Variants in ZNF644 observed in about 807,000 individuals in gnomAD.
ZNF644 encodes zinc finger protein 644.
In ZNF644, 20 loss-of-function variants were observed where a neutral mutation model predicts 108.0. That is an observed-to-expected ratio of 0.19 (90% CI 0.13 to 0.27). The LOEUF (loss-of-function observed/expected upper bound fraction) is 0.27, where lower values mean the gene tolerates loss of function less well. Among genes scored for constraint, ZNF644 ranks in the 10% least tolerant of loss-of-function variants. The pLI is 1.00. For synonymous variants in ZNF644, 542 were observed against 539.1 expected (o/e 1.01, Z -0.08); for missense variants, 1,338 against 1,548.9 (o/e 0.86, Z 2.29).
At chr1:90,918,241 C>A in intron 4 of ZNF644, 87 bp from the exon 5 acceptor site, 2 of 1,080,072 alleles carry the variant, frequency 1.9e-6, no homozygotes, top group Non-Finnish European at 2.8e-6. Context: ...GTCAGACAGA[C>A]CATCTAAATC....
intron 4 of ZNF644, among the ~76,000 whole-genome samples, chr1:90,923,517 C>T (rs1649703690): frequency 6.6e-6 from 1 of 152,124 alleles, no homozygotes; most frequent in African/African-American, 2.4e-5. Context: ...GTTTCCCTTA[C>T]AGTCAGGCAT....
chr1:90,934,672 T>C (rs2100903294), intron 4 of ZNF644, among the ~76,000 whole-genome samples: 1 of 152,314 alleles, frequency 6.6e-6, no homozygotes, highest in East Asian at 1.9e-4. Flanking sequence ...CACAGAAATG[T>C]GCATGTTAAC....
In ZNF644 at chr1:90,935,877, A is replaced by G. The variant is rs1006977867; in HGVS notation, c.3688+1608T>C. Reference sequence around the variant, plus strand: ...TGATTTGAACAACACGGTTCTGTTGAGAAGTTTCAAAGCTTACAACATTAC... The same window carrying G: ...TGATTTGAACAACACGGTTCTGTTGGGAAGTTTCAAAGCTTACAACATTAC... On this transcript the variant is annotated intron_variant, in intron 4 of 5. Transcript: ENST00000337393. 1.1e-4 allele frequency among the ~76,000 whole-genome samples: 16 copies of G among 152,306 alleles called. No individual in the cohort carries two copies. In the East Asian group the frequency reaches 2.9e-3, roughly 28 times the overall value.
intron 2 of ZNF644, among the ~76,000 whole-genome samples, chr1:90,967,875 G>A (rs1466432595): frequency 5.2e-5 from 7 of 133,516 alleles, no homozygotes; most frequent in Admixed American, 8.2e-5. Context: ...GTGAAACCCC[G>A]TCTCTACTAA....
rs1056915798 is a variant in ZNF644 at position 90,948,170 on chromosome 1, A to C, written c.45-6861T>G. 8.5e-5 allele frequency among the ~76,000 whole-genome samples: 13 copies of C among 152,332 alleles called. No individual in the cohort carries two copies. In the East Asian group the frequency reaches 1.9e-3, roughly 23 times the overall value. On this transcript the variant is annotated intron_variant, in intron 2 of 5. Transcript: ENST00000337393. Reference sequence around the variant, plus strand: ...ATTATCAAGACATAAAGAAATAACAAAAGAATGGTTTTAGAGCATAGAATC... The same window carrying C: ...ATTATCAAGACATAAAGAAATAACACAAGAATGGTTTTAGAGCATAGAATC...
chr1:90,957,060 A>G (rs1195240009), intron 2 of ZNF644, among the ~76,000 whole-genome samples: 1 of 152,172 alleles, frequency 6.6e-6, no homozygotes, highest in Non-Finnish European at 1.5e-5. Flanking sequence ...GATGAAACAG[A>G]AAAATTCCTA....
intron 2 of ZNF644, among the ~76,000 whole-genome samples, chr1:90,954,029 CT>C (rs1653473912): frequency 6.6e-6 from 1 of 152,128 alleles, no homozygotes; most frequent in Admixed American, 6.5e-5. Flanking sequence ...AGATTTTTGC[CT>C]TAATATTGAC....
intron 2 of ZNF644, among the ~76,000 whole-genome samples, chr1:90,954,475 C>T (rs555188296): frequency 1.6e-4 from 24 of 151,980 alleles, no homozygotes; most frequent in African/African-American, 5.8e-4. Context: ...ATTGCCATCT[C>T]AGCTCACTGC....
intron 1 of ZNF644, among the ~76,000 whole-genome samples, chr1:90,987,246 G>GT (rs55996875): frequency 0.022 from 2,723 of 121,064 alleles, 103 homozygotes; most frequent in African/African-American, 0.075. Flanking sequence ...CCTAGAGTTG[G>GT]TTTTTTTTTT....
chr1:90,983,557 C>T (rs549901720), intron 1 of ZNF644, among the ~76,000 whole-genome samples: 11 of 151,516 alleles, frequency 7.3e-5, no homozygotes, highest in African/African-American at 1.7e-4. Flanking sequence ...AGGATTATTC[C>T]GAATTATCTG....
At position 90,916,885 on chromosome 1, in the gene ZNF644, G is replaced by A; in HGVS notation, c.3897C>T (p.Gly1299=). The A allele has an allele frequency of 4.3e-6, 7 of 1,614,154 alleles. No homozygotes were observed. The highest frequency in any genetic ancestry group is 5.9e-6 in the Non-Finnish European group (7 of 1,180,024). ...TAAGTAGTGACGTGACTTCCACCAT[G>A]CCAGCTCCAGTCCGTGGAAGATTAG... ...VNANLPRTGA[G]MVEVTSLLKK... Residue 1299 remains glycine, a synonymous_variant, in exon 6 of 6, where the codon GGC becomes GGT. Coordinates refer to ENST00000337393, the MANE Select transcript of ZNF644 (RefSeq NM_201269.3).
At position 90,916,972 on chromosome 1, in the gene ZNF644, A is replaced by C; in HGVS notation, c.3810T>G (p.Phe1270Leu). ...CTTCCTGAACAGACAAGGGTCCTCG[A>C]AAGACTAGGCCACAAAACCTACAGA... ...ILRCRFCGLV[F>L]RGPLSVQEDW... Residue 1270 changes from phenylalanine to leucine, a missense_variant, in exon 6 of 6, where the codon TTT becomes TTG. Transcript: ENST00000337393. 1 of 1,614,208 alleles carries C rather than the reference A, an allele frequency of 6.2e-7. No individual in the cohort carries two copies. Among genetic ancestry groups the C allele is most frequent in the Non-Finnish European group, 8.5e-7 (1 of 1,180,022 alleles).
intron 4 of ZNF644, among the ~76,000 whole-genome samples, chr1:90,936,340 C>A (rs1309311058): frequency 6.6e-6 from 1 of 152,158 alleles, no homozygotes. Flanking sequence ...ACACAGCTAA[C>A]ACATCTTCCC....
intron 1 of ZNF644, among the ~76,000 whole-genome samples, chr1:90,982,653 T>C (rs1265556946): frequency 6.6e-6 from 1 of 152,130 alleles, no homozygotes; most frequent in Non-Finnish European, 1.5e-5. Flanking sequence ...ATTGTTTTCA[T>C]TAATTTTAAT....
chr1:90,940,540 T>G lies in ZNF644; in HGVS notation c.814A>C (p.Asn272His), dbSNP rs771569791. ...QKEFIQFLMT[N>H]EETVDKAPPH... ...GGAGCTTTATCTACTGTTTCCTCAT[T>G]AGTCATAAGAAATTGAATGAACTCT... The change falls in exon 3 of 6, where the codon AAT (asparagine) becomes CAT (histidine). Residue 272 changes from asparagine (N) to histidine (H), a missense_variant. Asn to His is a moderately conservative substitution (Grantham distance 68, BLOSUM62 1). Transcript: ENST00000337393. 5 of 1,614,008 alleles carry G rather than the reference T, an allele frequency of 3.1e-6. No homozygotes were observed. The South Asian group carries it at 4.4e-5, about 14-fold the overall frequency.
In ZNF644 at chr1:90,955,294, C is replaced by T. The variant is rs114620621; in HGVS notation, c.45-13985G>A. Among the ~76,000 whole-genome samples, 1,048 of 152,282 alleles carry T rather than the reference C, an allele frequency of 6.9e-3. 16 individuals are homozygous for T. The highest frequency in any genetic ancestry group is 0.024 in the African/African-American group (983 of 41,554). ...GGGCCCTAAGATTTATGGAATTGTT[C>T]AATGAGGCTTCAACTTAAAAGTTAC... On this transcript the variant is annotated intron_variant, in intron 2 of 5. Transcript: ENST00000337393.
intron 4 of ZNF644, among the ~76,000 whole-genome samples, chr1:90,925,577 T>C (rs1470377170): frequency 6.6e-6 from 1 of 150,700 alleles, no homozygotes; most frequent in Non-Finnish European, 1.5e-5. Flanking sequence ...TATAATTAGA[T>C]ATATTTAAGA....
intron 2 of ZNF644, among the ~76,000 whole-genome samples, chr1:90,959,654 T>C (rs1205921879): frequency 6.6e-6 from 1 of 152,124 alleles, no homozygotes; most frequent in Non-Finnish European, 1.5e-5. Flanking sequence ...ATATGAAATA[T>C]CCAGAACAGG....
chr1:90,919,559 C>A (rs541717483), intron 4 of ZNF644, among the ~76,000 whole-genome samples: 1 of 152,176 alleles, frequency 6.6e-6, no homozygotes, highest in East Asian at 1.9e-4. Flanking sequence ...CCTGCCTATT[C>A]AAAAGTAAAA....
Sources: gnomAD v4.1 joint callset for allele counts (sites outside exome capture counted in the v4.1 genomes callset) on GRCh38, gnomAD v4.1.1 for gene constraint, MANE v1.5 for transcripts, NCBI Gene and HGNC (gene_info 2026-07-23, HGNC 2026-07-21) for gene names.